ZFHX3: variants seen among roughly 807,000 people sequenced by gnomAD.
ZFHX3 encodes the protein zinc finger homeobox 3.
Under a neutral mutation model 279.1 loss-of-function variants are expected in ZFHX3, and 42 were observed. The observed-to-expected ratio is 0.15, with a 90% CI of 0.12 to 0.19. The LOEUF (loss-of-function observed/expected upper bound fraction) is 0.19, where lower values mean the gene tolerates loss of function less well. Among genes scored for constraint, ZFHX3 ranks in the 10% least tolerant of loss-of-function variants. ZFHX3 has a pLI of 1.00. For missense variants in ZFHX3, 4,981 were observed against 4,754.0 expected (o/e 1.05, Z -1.40); for synonymous variants, 2,293 against 1,957.8 (o/e 1.17, Z -4.52).
chr16:72,961,754 C>T (rs1007905816), intron 1 of ZFHX3, among the ~76,000 whole-genome samples: 1 of 152,164 alleles, frequency 6.6e-6, no homozygotes, highest in Non-Finnish European at 1.5e-5. Context: ...AAGAATAAAG[C>T]TATGATGTGT....
At chr16:73,855,034 G>A (rs951550394) in intron 1 of ZFHX3, among the ~76,000 whole-genome samples, 10 of 152,068 alleles carry the variant, frequency 6.6e-5, no homozygotes, top group Admixed American at 2.0e-4. Context: ...TATTTTTCCC[G>A]AGGAGGTACT....
chr16:73,637,184 G>C (rs189284476), intron 2 of ZFHX3, among the ~76,000 whole-genome samples: 1 of 150,384 alleles, frequency 6.6e-6, no homozygotes, highest in Admixed American at 6.6e-5. Flanking sequence ...GACTAGCACA[G>C]ACTAATTGGG....
chr16:73,116,932 G>T (rs1966439172), intron 7 of ZFHX3, among the ~76,000 whole-genome samples: 3 of 152,220 alleles, frequency 2.0e-5, no homozygotes, highest in African/African-American at 7.2e-5. Flanking sequence ...AACATTGTCT[G>T]TCTAAGCAAG....
In ZFHX3 at chr16:73,358,129, C is replaced by A. The variant is rs559537967; in HGVS notation, c.-1290-39793G>T. 6.7e-4 allele frequency among the ~76,000 whole-genome samples: 102 copies of A among 152,354 alleles called. 2 individuals are homozygous for A. The South Asian group carries it at 0.021, about 31-fold the overall frequency. ...CTGTCAAGTGTCAGCTTAGGAGCTT[C>A]TTTGAGACGCCTTGCTTTGTACGGA... On this transcript the variant is annotated intron_variant, in intron 3 of 17. Transcript: ENST00000641206.
At chr16:72,910,940 G>A (rs768192704) in intron 3 of ZFHX3, among the ~76,000 whole-genome samples, 16 of 152,178 alleles carry the variant, frequency 1.1e-4, no homozygotes, top group African/African-American at 1.4e-4. Flanking sequence ...CAGGCATCTG[G>A]GTTTGCAATC....
At chr16:72,820,741 A>C (rs2036769255) in intron 5 of ZFHX3, among the ~76,000 whole-genome samples, 1 of 152,200 alleles carries the variant, frequency 6.6e-6, no homozygotes, top group Non-Finnish European at 1.5e-5. Context: ...GGGGGTCTGC[A>C]CTTATTACGC....
intron 8 of ZFHX3, among the ~76,000 whole-genome samples, chr16:73,074,520 G>A (rs546866039): frequency 1.3e-5 from 2 of 152,154 alleles, no homozygotes; most frequent in Non-Finnish European, 2.9e-5. Flanking sequence ...CTCCATAAAC[G>A]CCCACCATGC....
intron 1 of ZFHX3, among the ~76,000 whole-genome samples, chr16:73,782,075 C>G (rs76822549): frequency 0.031 from 4,709 of 152,278 alleles, 264 homozygotes; most frequent in African/African-American, 0.11. Flanking sequence ...TCTCCATTGC[C>G]CAGTGCAGAG....
intron 3 of ZFHX3, among the ~76,000 whole-genome samples, chr16:72,895,191 G>T (rs1414200593): frequency 6.6e-6 from 1 of 152,200 alleles, no homozygotes; most frequent in Non-Finnish European, 1.5e-5. Flanking sequence ...TAACCTGCAG[G>T]TGATGCAGGC....
intron 1 of ZFHX3, among the ~76,000 whole-genome samples, chr16:73,774,563 C>T (rs536849421): frequency 2.6e-5 from 4 of 152,268 alleles, no homozygotes; most frequent in African/African-American, 9.6e-5. Context: ...TGATGCTAAT[C>T]CTAAGTAACA....
chr16:73,236,837 AATCCCCAGAAGAGAGAG>A (rs1264616181), intron 5 of ZFHX3, among the ~76,000 whole-genome samples: 4 of 152,168 alleles, frequency 2.6e-5, no homozygotes, highest in Non-Finnish European at 4.4e-5. Flanking sequence ...AAAAGATAGA[AATCCCCAGAAGAGAGAG>A]ATCCTGCCTG....
intron 3 of ZFHX3, among the ~76,000 whole-genome samples, chr16:73,437,105 G>A (rs59603397): frequency 6.6e-6 from 1 of 152,130 alleles, no homozygotes; most frequent in Non-Finnish European, 1.5e-5. Context: ...ACAAATAGTA[G>A]AAACTTAATT....
At chr16:73,221,900 C>T (rs751582002) in intron 5 of ZFHX3, among the ~76,000 whole-genome samples, 2 of 152,104 alleles carry the variant, frequency 1.3e-5, no homozygotes, top group Non-Finnish European at 2.9e-5. Flanking sequence ...CACTTCACAA[C>T]ATGGCTGCAC....
chr16:73,653,097 A>G (rs1025619245), intron 2 of ZFHX3, among the ~76,000 whole-genome samples: 2 of 152,212 alleles, frequency 1.3e-5, no homozygotes, highest in African/African-American at 4.8e-5. Context: ...AAAAGTATAG[A>G]TTTTAAAACA....
intron 2 of ZFHX3, among the ~76,000 whole-genome samples, chr16:73,574,715 C>A (rs935628223): frequency 6.6e-6 from 1 of 152,270 alleles, no homozygotes. Flanking sequence ...GCATCTTAGT[C>A]TGAGAGTCAA....
chr16:73,444,091 C>T (rs928072587), intron 3 of ZFHX3, among the ~76,000 whole-genome samples: 3 of 152,194 alleles, frequency 2.0e-5, no homozygotes, highest in Admixed American at 2.0e-4. Flanking sequence ...ATAAATATTA[C>T]ACATTCTCCC....
chr16:73,531,714 CAAA>C (rs34119200), intron 2 of ZFHX3, among the ~76,000 whole-genome samples: 2,509 of 81,198 alleles, frequency 0.031, 42 homozygotes, highest in African/African-American at 0.075. Flanking sequence ...AACCCTGTCT[CAAA>C]AAAAAAAAAA....
At chr16:73,132,070 G>A (rs1597170827) in intron 6 of ZFHX3, among the ~76,000 whole-genome samples, 1 of 152,240 alleles carries the variant, frequency 6.6e-6, no homozygotes, top group South Asian at 2.1e-4. Flanking sequence ...AAGATTGCTT[G>A]AGGCCAGGAG....
rs377001723 is a variant in ZFHX3 at position 73,730,408 on chromosome 16, A to C, written c.-1607-50168T>G. On this transcript the variant is annotated intron_variant, in intron 1 of 17. Coordinates refer to the ZFHX3 transcript ENST00000641206. ...AGAGAGAAAGAAAGAAAAGAAAAGA[A>C]AAGACAAGAAAGAAAGAATCCTGTA... Among the ~76,000 whole-genome samples the C allele has an allele frequency of 7.9e-5, 12 of 152,166 alleles. 1 individual carries two copies. In the South Asian group the frequency reaches 1.2e-3, roughly 16 times the overall value.
Sources: gnomAD v4.1 joint callset for allele counts (sites outside exome capture counted in the v4.1 genomes callset) on GRCh38, gnomAD v4.1.1 for gene constraint, MANE v1.5 for transcripts, NCBI Gene and HGNC (gene_info 2026-07-23, HGNC 2026-07-21) for gene names.